Variants in TMEM182 observed in about 807,000 individuals in gnomAD.
TMEM182 encodes transmembrane protein 182.
Under a neutral mutation model 26.8 loss-of-function variants are expected in TMEM182, and 20 were observed. The ratio of observed to expected loss-of-function variants is 0.75; its 90% CI spans 0.53 to 1.09. The LOEUF (loss-of-function observed/expected upper bound fraction) is 1.09. TMEM182 is among the 50% of genes least tolerant of loss of function. The pLI, the probability that TMEM182 is intolerant of heterozygous loss-of-function variation, is 0.00. For missense variants in TMEM182, 277 were observed against 275.5 expected (o/e 1.01, Z -0.04); for synonymous variants, 109 against 102.2 (o/e 1.07, Z -0.40).
intron 3 of TMEM182, among the ~76,000 whole-genome samples, chr2:102,769,930 G>T (rs1049138970): frequency 1.2e-4 from 19 of 152,146 alleles, no homozygotes; most frequent in Admixed American, 6.6e-4. Flanking sequence ...TGAGTTGATG[G>T]TGGAATACCA....
upstream of TMEM182, among the ~76,000 whole-genome samples, chr2:102,757,143 A>G (rs1345793429): frequency 3.3e-5 from 5 of 152,076 alleles, no homozygotes; most frequent in Admixed American, 3.3e-4. Flanking sequence ...AAGGAGGGAG[A>G]GTAGAGTATC....
intron 1 of TMEM182, among the ~76,000 whole-genome samples, chr2:102,754,726 T>C (rs565458516): frequency 5.9e-5 from 9 of 152,102 alleles, no homozygotes; most frequent in African/African-American, 1.7e-4. Flanking sequence ...TATTTTGAGC[T>C]AATTAAGAAT....
intron 1 of TMEM182, among the ~76,000 whole-genome samples, chr2:102,747,655 AAAC>A (rs1223138364): frequency 1.3e-5 from 2 of 152,226 alleles, no homozygotes; most frequent in South Asian, 2.1e-4. Flanking sequence ...AAAATAAAAA[AAAC>A]AACAACAGGA....
intron 3 of TMEM182, among the ~76,000 whole-genome samples, chr2:102,823,192 G>A (rs1478649350): frequency 1.3e-5 from 2 of 152,094 alleles, no homozygotes; most frequent in African/African-American, 4.8e-5. Context: ...ATGTTCCCCT[G>A]ACTTGATTTT....
upstream of TMEM182, among the ~76,000 whole-genome samples, chr2:102,760,207 T>G (rs1328639592): frequency 6.6e-6 from 1 of 151,480 alleles, no homozygotes; most frequent in African/African-American, 2.4e-5. Flanking sequence ...AGGAAGAGAG[T>G]GTTTGGCTTA....
upstream of TMEM182, among the ~76,000 whole-genome samples, chr2:102,758,631 G>T (rs987833480): frequency 1.3e-5 from 2 of 152,102 alleles, no homozygotes; most frequent in Non-Finnish European, 1.5e-5. Context: ...TGTTTCTTTT[G>T]GGGGTAGATT....
At chr2:102,810,064 G>A (rs1219230928) in intron 4 of TMEM182, among the ~76,000 whole-genome samples, 2 of 152,016 alleles carry the variant, frequency 1.3e-5, no homozygotes, top group African/African-American at 2.4e-5. Context: ...AAAGGCAGTC[G>A]AGTTACATCT....
intron 3 of TMEM182, among the ~76,000 whole-genome samples, chr2:102,792,526 C>G (rs2104717875): frequency 6.6e-6 from 1 of 152,286 alleles, no homozygotes; most frequent in Middle Eastern, 3.4e-3. Flanking sequence ...TGCATGAACT[C>G]TATGCAATTC....
chr2:102,825,182 C>T (rs1303823215), intron 3 of TMEM182, among the ~76,000 whole-genome samples: 1 of 152,112 alleles, frequency 6.6e-6, no homozygotes, highest in Non-Finnish European at 1.5e-5. Flanking sequence ...TTGGAAGACA[C>T]AACAGGACAG....
chr2:102,762,011 G>A, upstream of TMEM182: 1 of 461,186 alleles, frequency 2.2e-6, no homozygotes, highest in Non-Finnish European at 3.9e-6. Flanking sequence ...AGTTCCTCCA[G>A]GGGCGAGCAA....
At chr2:102,820,712 G>A (rs559738089), downstream of TMEM182, among the ~76,000 whole-genome samples, 1 of 152,330 alleles carries the variant, frequency 6.6e-6, no homozygotes, top group East Asian at 1.9e-4. Context: ...AAGGCAGCTT[G>A]TGTGGCTGGC....
intron 4 of TMEM182, among the ~76,000 whole-genome samples, chr2:102,803,349 T>G (rs1682223594): frequency 6.6e-6 from 1 of 152,216 alleles, no homozygotes; most frequent in South Asian, 2.1e-4. Flanking sequence ...AGCTCACCCG[T>G]CCTTCCCTGC....
intron 4 of TMEM182, among the ~76,000 whole-genome samples, chr2:102,799,853 C>A (rs1050875710): frequency 2.6e-5 from 4 of 152,052 alleles, no homozygotes; most frequent in Non-Finnish European, 5.9e-5. Flanking sequence ...TATGATTCAC[C>A]TTTGTGGAGA....
chr2:102,755,342 A>G (rs796955541), intron 1 of TMEM182, among the ~76,000 whole-genome samples: 1 of 152,222 alleles, frequency 6.6e-6, no homozygotes, highest in African/African-American at 2.4e-5. Flanking sequence ...TATTCCAAGC[A>G]GTGCATATAA....
intron 1 of TMEM182, among the ~76,000 whole-genome samples, chr2:102,740,186 C>A (rs1679503496): frequency 6.6e-6 from 1 of 152,160 alleles, no homozygotes; most frequent in South Asian, 2.1e-4. Flanking sequence ...AATACTGTAG[C>A]AAGAATTGGT....
At chr2:102,808,231 G>A (rs1311487422) in intron 4 of TMEM182, among the ~76,000 whole-genome samples, 7 of 152,124 alleles carry the variant, frequency 4.6e-5, no homozygotes. Context: ...CAGAAATAAT[G>A]CTATAAGGAT....
chr2:102,786,294 A>T (rs1681392983), intron 3 of TMEM182, among the ~76,000 whole-genome samples: 2 of 136,702 alleles, frequency 1.5e-5, no homozygotes, highest in South Asian at 4.5e-4. Flanking sequence ...AGCTCACTGT[A>T]ACCTCTGCCA....
At chr2:102,810,347 C>G (rs993328404) in intron 4 of TMEM182, among the ~76,000 whole-genome samples, 2 of 152,080 alleles carry the variant, frequency 1.3e-5, no homozygotes, top group Non-Finnish European at 2.9e-5. Context: ...TGAGGATATA[C>G]AATTTTATGT....
intron 1 of TMEM182, among the ~76,000 whole-genome samples, chr2:102,744,158 G>A (rs754899136): frequency 7.2e-5 from 11 of 151,924 alleles, no homozygotes; most frequent in Non-Finnish European, 1.3e-4. Flanking sequence ...CCACATTCTG[G>A]GCCATAAAAT....
Sources: gnomAD v4.1 joint callset for allele counts (sites outside exome capture counted in the v4.1 genomes callset) on GRCh38, gnomAD v4.1.1 for gene constraint, MANE v1.5 for transcripts, NCBI Gene and HGNC (gene_info 2026-07-23, HGNC 2026-07-21) for gene names.